GALM: variants seen among roughly 807,000 people sequenced by gnomAD.
GALM encodes aldose 1-epimerase.
GALM carries 43 observed loss-of-function variants against 37.4 expected under a neutral mutation model. The ratio of observed to expected loss-of-function variants is 1.15; its 90% confidence interval spans 0.90 to 1.48. GALM has a LOEUF of 1.48. Ranked by LOEUF, GALM falls within the 40% of genes most tolerant of loss-of-function variation. The pLI is 0.00. For missense variants in GALM, 456 were observed against 419.1 expected, an observed-to-expected ratio of 1.09 and a Z score of -0.77; for synonymous variants, 199 against 170.6, an observed-to-expected ratio of 1.17 and a Z score of -1.30.
At chr2:38,674,046 G>A (rs974453468) in intron 1 of GALM, among the ~76,000 whole-genome samples, 5 of 152,078 alleles carry the variant, frequency 3.3e-5, no homozygotes, top group African/African-American at 1.2e-4. Context: ...GTGCCAGACT[G>A]TTAATAGTGG....
chr2:38,709,553 GAA>G (rs1240496310), intron 4 of GALM, among the ~76,000 whole-genome samples: 1 of 114,326 alleles, frequency 8.7e-6, no homozygotes, highest in Admixed American at 9.0e-5. Context: ...CGGTGGAAAG[GAA>G]AAAAAAAAAA....
intron 1 of GALM, 104 bp downstream of exon 1, chr2:38,666,455 T>C (rs1664938313): frequency 1.1e-6 from 1 of 892,530 alleles, no homozygotes; most frequent in Admixed American, 2.8e-5. Flanking sequence ...AGGGGGAAAG[T>C]CGCCTAGCTT....
At chr2:38,713,212 G>A (rs1053614527) in intron 4 of GALM, among the ~76,000 whole-genome samples, 9 of 152,134 alleles carry the variant, frequency 5.9e-5, no homozygotes, top group Non-Finnish European at 1.0e-4. Flanking sequence ...AGCATGCAGG[G>A]AACATTCTTC....
At chr2:38,670,560 T>G (rs1054765347) in intron 1 of GALM, among the ~76,000 whole-genome samples, 6 of 152,196 alleles carry the variant, frequency 3.9e-5, no homozygotes, top group African/African-American at 1.4e-4. Context: ...ACTTAAACTC[T>G]CCAGACCTAT....
chr2:38,721,591 G>T (rs186661791), intron 4 of GALM, among the ~76,000 whole-genome samples: 83 of 152,228 alleles, frequency 5.5e-4, no homozygotes, highest in African/African-American at 1.8e-3. Context: ...ATGGCTCCCT[G>T]CAGCCTTGAC....
rs142921173 is a variant in GALM at position 38,684,382 on chromosome 2, T to C, written c.552+2896T>C. ...GATAACTTTTTTTTTATTGAAACTTTACCTAAAGACCTGGGTGTGGTGGCT... is the reference window on the plus strand; with the variant it reads ...GATAACTTTTTTTTTATTGAAACTTCACCTAAAGACCTGGGTGTGGTGGCT... On this transcript the variant is annotated intron_variant, in intron 3 of 6. Coordinates refer to ENST00000272252, the MANE Select transcript of GALM (RefSeq NM_138801.3). Among the ~76,000 whole-genome samples, 16 of 152,298 alleles carry C rather than the reference T, an allele frequency of 1.1e-4. No homozygotes were observed. In the East Asian group the frequency reaches 2.5e-3, roughly 24 times the overall value.
chr2:38,704,024 A>C (rs1302072908), intron 4 of GALM, among the ~76,000 whole-genome samples: 1 of 150,802 alleles, frequency 6.6e-6, no homozygotes, highest in African/African-American at 2.5e-5. Flanking sequence ...TCAAAAAATA[A>C]ATGAATAAAT....
At chr2:38,669,111 G>A (rs192700375) in intron 1 of GALM, 78 of 152,256 alleles carry the variant, frequency 5.1e-4, no homozygotes, top group African/African-American at 1.9e-3. Flanking sequence ...CAGTAAGAGA[G>A]GAGACCACCC....
Position 38,734,500 on chromosome 2 carries a change from G to C in GALM, c.*935G>C, listed in dbSNP as rs1036864413. On this transcript the variant is annotated 3_prime_UTR_variant, in exon 7 of 7. Coordinates refer to ENST00000272252, the MANE Select transcript of GALM (RefSeq NM_138801.3). ...TGGGTTAACTGAGAAAGCACAGCCC[G>C]GCCAACGCTTGGGAAGAAAGACAGG... 1 of 151,608 alleles carries C rather than the reference G, an allele frequency of 6.6e-6. No homozygotes were observed. Among genetic ancestry groups the C allele is most frequent in the Non-Finnish European group, 1.5e-5 (1 of 68,080 alleles). The allele number at this position is 151,608 out of a possible 1,614,324, so 9.4% of individuals were successfully genotyped here. A position where few individuals can be genotyped will look rare whatever the true frequency, so the allele number is the denominator to read the frequency against.
At chr2:38,695,088 C>G (rs1224916548) in intron 4 of GALM, among the ~76,000 whole-genome samples, 1 of 151,852 alleles carries the variant, frequency 6.6e-6, no homozygotes, top group Non-Finnish European at 1.5e-5. Context: ...GTATGTTGGT[C>G]ATCTCTGTTG....
chr2:38,674,641 A>T (rs916726344), intron 1 of GALM, among the ~76,000 whole-genome samples: 8 of 152,000 alleles, frequency 5.3e-5, no homozygotes, highest in Non-Finnish European at 1.0e-4. Context: ...GTATTACCTA[A>T]CTCTCTCTAA....
At chr2:38,730,785 G>C (rs956907605) in intron 5 of GALM, among the ~76,000 whole-genome samples, 1 of 151,866 alleles carries the variant, frequency 6.6e-6, no homozygotes, top group Non-Finnish European at 1.5e-5. Context: ...GCCAGGCATG[G>C]TGGTGGGCAC....
rs188154612 is a variant in GALM, at chr2:38,707,696, C to G, written c.634+17802C>G. On this transcript the variant is annotated intron_variant, in intron 4 of 6. Coordinates refer to ENST00000272252, the MANE Select transcript of GALM (RefSeq NM_138801.3). ...CTAGGCAGCTTTCTTGAATACAGAA[C>G]CCTGCCAGGCACAGTGCCTCACGCC... Among the ~76,000 whole-genome samples the G allele has an allele frequency of 2.0e-4, 30 of 152,272 alleles. 1 individual carries two copies. In the East Asian group the frequency reaches 5.6e-3, roughly 28 times the overall value.
intron 2 of GALM, among the ~76,000 whole-genome samples, chr2:38,680,979 T>C (rs1665378733): frequency 6.6e-6 from 1 of 151,778 alleles, no homozygotes; most frequent in Non-Finnish European, 1.5e-5. Context: ...CTACGAAAAA[T>C]GCAAAAATTA....
chr2:38,675,538 TTTTTTTGTGTGTGTGTGTGTG>T (rs1348677971), intron 1 of GALM, among the ~76,000 whole-genome samples: 2 of 92,484 alleles, frequency 2.2e-5, no homozygotes, highest in African/African-American at 9.8e-5. Context: ...TTTTTTTTTT[TTTTTTTGTGTGTGTGTGTGTG>T]TGTGTGTGTG....
chr2:38,678,817 G>A (rs1338434439), intron 2 of GALM, among the ~76,000 whole-genome samples: 1 of 152,178 alleles, frequency 6.6e-6, no homozygotes, highest in Non-Finnish European at 1.5e-5. Context: ...GACCACTCCT[G>A]TGGCCCACAG....
At chr2:38,676,973 A>C (rs1051623387) in intron 2 of GALM, among the ~76,000 whole-genome samples, 3 of 152,084 alleles carry the variant, frequency 2.0e-5, no homozygotes, top group Admixed American at 6.5e-5. Flanking sequence ...CTGCCCTTCC[A>C]CTGAAGTGCC....
intron 4 of GALM, among the ~76,000 whole-genome samples, chr2:38,705,213 A>C (rs1384713632): frequency 6.6e-6 from 1 of 152,166 alleles, no homozygotes; most frequent in African/African-American, 2.4e-5. Context: ...CCTCTAGTTC[A>C]TTCCTGGTGC....
At chr2:38,669,895 CTTT>C (rs35676843) in intron 1 of GALM, among the ~76,000 whole-genome samples, 33,972 of 134,968 alleles carry the variant, frequency 0.25, 5,871 homozygotes, top group African/African-American at 0.5. Context: ...AAAAGTTTTT[CTTT>C]TTTTTTTTTT....
Sources: gnomAD v4.1 joint callset for allele counts (sites outside exome capture counted in the v4.1 genomes callset) on GRCh38, gnomAD v4.1.1 for gene constraint, MANE v1.5 for transcripts, NCBI Gene and HGNC (gene_info 2026-07-23, HGNC 2026-07-21) for gene names.